RIMOC1: variants seen among roughly 807,000 people sequenced by gnomAD.
The protein encoded by RIMOC1 is RAB7A interacting MON1-CCZ1 complex subunit 1, also known as RAB7A-interacting MON1-CCZ1 complex subunit 1.
chr5:41,920,032 C>T, the RIMOC1 span: 1 of 152,108 alleles, frequency 6.6e-6, no homozygotes, highest in Non-Finnish European at 1.5e-5. Flanking sequence ...CTGCTATGCC[C>T]TCTATACCAG....
At chr5:41,913,293 T>C in the RIMOC1 span, among the ~76,000 whole-genome samples, 1 of 152,224 alleles carries the variant, frequency 6.6e-6, no homozygotes, top group Non-Finnish European at 1.5e-5. Flanking sequence ...CTTAACCTGA[T>C]ACATTGCCAT....
At chr5:41,912,040 T>C in the RIMOC1 span, 4 of 1,295,880 alleles carry the variant, frequency 3.1e-6, no homozygotes, top group African/African-American at 4.4e-5. Context: ...TATAATACTT[T>C]CAATTCTTTG....
the RIMOC1 span, chr5:41,909,692 T>G: frequency 6.1e-6 from 8 of 1,317,270 alleles, no homozygotes; most frequent in Non-Finnish European, 7.2e-6. Flanking sequence ...GTAAGAATTG[T>G]TTTTTTTCAA....
the RIMOC1 span, among the ~76,000 whole-genome samples, chr5:41,915,345 C>T: frequency 9.2e-4 from 140 of 152,282 alleles, no homozygotes; most frequent in Middle Eastern, 6.8e-3. Flanking sequence ...GAGCTGGTAT[C>T]ACAAAAGGTT....
chr5:41,906,348 C>T, the RIMOC1 span, among the ~76,000 whole-genome samples: 2 of 152,182 alleles, frequency 1.3e-5, no homozygotes, highest in Non-Finnish European at 2.9e-5. Context: ...AGTCAAAATA[C>T]TGCATTTTAT....
At chr5:41,916,916 T>C in the RIMOC1 span, 9 of 1,042,660 alleles carry the variant, frequency 8.6e-6, no homozygotes, top group Non-Finnish European at 1.2e-5. Context: ...GAATAGAAAA[T>C]GCTTAATGAC....
At chr5:41,917,394 G>A in the RIMOC1 span, 1 of 1,456,842 alleles carries the variant, frequency 6.9e-7, no homozygotes. Context: ...TACTGAATAT[G>A]AGAACATTAC....
chr5:41,918,339 T>A, the RIMOC1 span: 1 of 985,784 alleles, frequency 1.0e-6, no homozygotes, highest in Non-Finnish European at 1.2e-6. Flanking sequence ...TTTTATTGAC[T>A]TTTCTCTCCT....
At chr5:41,914,084 A>C in the RIMOC1 span, among the ~76,000 whole-genome samples, 1 of 152,186 alleles carries the variant, frequency 6.6e-6, no homozygotes, top group Non-Finnish European at 1.5e-5. Context: ...GAGTGGCACA[A>C]ATCACCTGTT....
chr5:41,917,549 C>G, the RIMOC1 span: 11 of 1,145,456 alleles, frequency 9.6e-6, no homozygotes, highest in Middle Eastern at 3.6e-4. Flanking sequence ...TGTTATGTCA[C>G]TAATAATGAG....
At chr5:41,911,668 G>A in the RIMOC1 span, among the ~76,000 whole-genome samples, 1 of 152,178 alleles carries the variant, frequency 6.6e-6, no homozygotes, top group Admixed American at 6.5e-5. Context: ...GGCTTGAAAT[G>A]CGAGGCCACA....
the RIMOC1 span, chr5:41,917,908 T>G: frequency 1.2e-6 from 1 of 865,666 alleles, no homozygotes; most frequent in African/African-American, 1.8e-5. Flanking sequence ...TTATAAAAAT[T>G]TAAAAATTAT....
At chr5:41,920,230 A>C in the RIMOC1 span, 3 of 152,068 alleles carry the variant, frequency 2.0e-5, no homozygotes, top group African/African-American at 7.2e-5. Context: ...TTTTTATACA[A>C]CTTTCCATCC....
chr5:41,904,641 C>G, the RIMOC1 span, among the ~76,000 whole-genome samples: 1 of 152,126 alleles, frequency 6.6e-6, no homozygotes, highest in African/African-American at 2.4e-5. Flanking sequence ...GCCCACTTCC[C>G]AGAACTCACA....
the RIMOC1 span, chr5:41,918,211 T>C: frequency 3.8e-5 from 37 of 985,782 alleles, no homozygotes; most frequent in Admixed American, 1.2e-4. Context: ...GTGACTTTAT[T>C]ACATTCCAGC....
At chr5:41,920,884 T>A in the RIMOC1 span, 1 of 152,222 alleles carries the variant, frequency 6.6e-6, no homozygotes, top group Non-Finnish European at 1.5e-5. Context: ...TTGTTGCATT[T>A]TTTACACTTG....
At chr5:41,912,195 T>G in the RIMOC1 span, 1 of 1,442,272 alleles carries the variant, frequency 6.9e-7, no homozygotes, top group Admixed American at 2.0e-5. Flanking sequence ...TAATGTGATC[T>G]CTCATTAAAT....
the RIMOC1 span, among the ~76,000 whole-genome samples, chr5:41,909,500 T>G: frequency 6.6e-6 from 1 of 152,108 alleles, no homozygotes; most frequent in Non-Finnish European, 1.5e-5. Context: ...CTCTATTTTC[T>G]TTTTTGAGGG....
At chr5:41,905,614 T>A in the RIMOC1 span, among the ~76,000 whole-genome samples, 1 of 152,252 alleles carries the variant, frequency 6.6e-6, no homozygotes, top group Admixed American at 6.5e-5. Context: ...TGAAGCCGAC[T>A]TATATTTTGG....
Sources: allele counts gnomAD v4.1 joint callset (sites outside exome capture counted in the v4.1 genomes callset), GRCh38; gene constraint gnomAD v4.1.1; transcripts MANE v1.5; gene names NCBI Gene and HGNC (gene_info 2026-07-23, HGNC 2026-07-21).